Variants in EXOC6 observed in about 807,000 individuals in gnomAD.
EXOC6 encodes exocyst complex component 6, also known as SEC15-like 1.
In EXOC6, 60 loss-of-function variants were observed where a neutral mutation model predicts 112.5. The observed-to-expected ratio is 0.53, with a 90% CI of 0.43 to 0.66. The LOEUF (loss-of-function observed/expected upper bound fraction) is 0.66. Ranked by LOEUF, EXOC6 falls within the 30% of genes least tolerant of loss-of-function variation. The pLI is 0.00. For synonymous variants in EXOC6, 295 were observed against 308.0 expected, an observed-to-expected ratio of 0.96 and a Z score of 0.44; for missense variants, 855 against 957.1, an observed-to-expected ratio of 0.89 and a Z score of 1.41.
intron 9 of EXOC6, among the ~76,000 whole-genome samples, 196 bp from the exon 10 acceptor site, chr10:92,933,948 A>G (rs927139012): frequency 3.3e-5 from 5 of 152,138 alleles, no homozygotes; most frequent in Non-Finnish European, 5.9e-5. Context: ...TAACTTGTTT[A>G]TCTCCTTTCG....
chr10:93,056,790 T>C, intron 20 of EXOC6, 134 bp from the exon 21 acceptor site: 1 of 600,378 alleles, frequency 1.7e-6, no homozygotes, highest in Non-Finnish European at 2.9e-6. Context: ...AATGAAGTTT[T>C]AAAAATGAAT....
intron 19 of EXOC6, among the ~76,000 whole-genome samples, chr10:93,000,251 G>A (rs1026689454): frequency 6.6e-6 from 1 of 152,024 alleles, no homozygotes; most frequent in Non-Finnish European, 1.5e-5. Flanking sequence ...GCTCAAAGAT[G>A]GAAATTACTG....
At chr10:92,911,836 A>G (rs1032482087) in intron 6 of EXOC6, among the ~76,000 whole-genome samples, 1 of 151,730 alleles carries the variant, frequency 6.6e-6, no homozygotes, top group East Asian at 1.9e-4. Flanking sequence ...TCAAGATTTG[A>G]TAAGAAAAGT....
chr10:92,963,512 A>G (rs1380462449), intron 17 of EXOC6, among the ~76,000 whole-genome samples: 2 of 148,764 alleles, frequency 1.3e-5, no homozygotes, highest in Non-Finnish European at 1.5e-5. Flanking sequence ...TGATGACTGT[A>G]TTTCTTTTTA....
chr10:93,035,973 C>G lies in EXOC6; in HGVS notation c.2170-20951C>G, dbSNP rs377476373. Among the ~76,000 whole-genome samples the G allele has an allele frequency of 1.2e-4, 18 of 152,200 alleles. 1 individual carries two copies. The highest frequency in any genetic ancestry group is 7.7e-4 in the East Asian group (4 of 5,198). On this transcript the variant is annotated intron_variant, in intron 20 of 21. Transcript: ENST00000260762. ...CGGTGGCTCACACCTGTAATCCCAG[C>G]ACTTTGGGAGGCCGAGGCGGGCAGA...
upstream of EXOC6, among the ~76,000 whole-genome samples, chr10:92,847,700 C>G (rs1847104370): frequency 6.6e-6 from 1 of 152,072 alleles, no homozygotes; most frequent in Admixed American, 6.5e-5. Flanking sequence ...TTTGTCCAAG[C>G]CTCCCTGCCT....
intron 18 of EXOC6, among the ~76,000 whole-genome samples, chr10:92,989,701 C>T (rs768909454): frequency 5.9e-5 from 9 of 152,168 alleles, no homozygotes; most frequent in Non-Finnish European, 8.8e-5. Flanking sequence ...TAACAGACTT[C>T]CTGCTGATGA....
intron 20 of EXOC6, among the ~76,000 whole-genome samples, chr10:93,016,300 A>AT (rs35002612): frequency 0.36 from 50,390 of 138,858 alleles, 9,357 homozygotes; most frequent in East Asian, 0.78. Context: ...TGCCTGGCTC[A>AT]TTTTTTTTTT....
chr10:92,948,343 C>T lies in EXOC6; in HGVS notation c.1380C>T (p.Ile460=), dbSNP rs908942879. The change falls in exon 14 of 22, where the codon ATC becomes ATT. Residue 460 remains isoleucine (I), a synonymous_variant. Coordinates refer to ENST00000260762, the MANE Select transcript of EXOC6 (RefSeq NM_019053.6). ...ATGAAGAAGAATATAAAATTGTCATCAGCAAATTTCCCTTTCAAGATCCAG... is the reference window on the plus strand; with the variant it reads ...ATGAAGAAGAATATAAAATTGTCATTAGCAAATTTCCCTTTCAAGATCCAG... The part of the protein sequence containing the change: ...VVNEEEYKIV[I]SKFPFQDPDL... 2 of 1,607,072 alleles carry T rather than the reference C, an allele frequency of 1.2e-6. No individual in the cohort carries two copies. Among genetic ancestry groups the T allele is most frequent in the Non-Finnish European group, 1.7e-6 (2 of 1,176,898 alleles).
intron 15 of EXOC6, 99 bp from the exon 16 acceptor site, chr10:92,954,531 G>A: frequency 3.7e-6 from 2 of 541,964 alleles, no homozygotes; most frequent in Non-Finnish European, 6.3e-6. Context: ...AAATAATGAT[G>A]GGGAAAATTA....
chr10:93,056,968 TG>T lies in EXOC6; in HGVS notation c.2215del (p.Asp739IlefsTer12). On this transcript the variant is annotated frameshift_variant, in exon 21 of 22. Coordinates refer to ENST00000260762, the MANE Select transcript of EXOC6 (RefSeq NM_019053.6). LOFTEE classifies it high-confidence loss of function. ...MVWDWSTYLADYGQPASKYLR... is the reference protein window; with the variant it reads ...MVWDWSTYLAXYGQPASKYLR... ...TTTGGGATTGGTCTACTTACCTAGC[TG>T]ATTATGGGCAGCCAGCTTCTAAGTA... The T allele has an allele frequency of 6.2e-7, 1 of 1,600,488 alleles. No homozygotes were observed.
At chr10:92,950,614 A>T (rs1853351690) in intron 14 of EXOC6, among the ~76,000 whole-genome samples, 1 of 151,910 alleles carries the variant, frequency 6.6e-6, no homozygotes, top group Admixed American at 6.7e-5. Flanking sequence ...CCATGCAGAA[A>T]GGCTGCATAA....
intron 8 of EXOC6, among the ~76,000 whole-genome samples, chr10:92,923,902 G>A (rs1422224258): frequency 6.6e-6 from 1 of 152,126 alleles, no homozygotes; most frequent in Non-Finnish European, 1.5e-5. Context: ...TTGTCTTGAG[G>A]TGTAAAAGCT....
rs1306373269 is a variant in EXOC6 at position 92,870,084 on chromosome 10, T to C, written c.101+21450T>C. ...CTCCTGCCTTGGCCTCCTGAGTAGCTGGGATTAAAGGTGCCCACCACCACG... is the reference window on the plus strand; with the variant it reads ...CTCCTGCCTTGGCCTCCTGAGTAGCCGGGATTAAAGGTGCCCACCACCACG... On this transcript the variant is annotated intron_variant, in intron 1 of 21. Coordinates refer to ENST00000260762, the MANE Select transcript of EXOC6 (RefSeq NM_019053.6). 2.0e-5 allele frequency among the ~76,000 whole-genome samples: 3 copies of C among 151,762 alleles called. No homozygotes were observed. The South Asian group carries it at 6.3e-4, about 32-fold the overall frequency.
chr10:93,056,639 A>G (rs1402202573), intron 20 of EXOC6, among the ~76,000 whole-genome samples: 1 of 37,120 alleles, frequency 2.7e-5, no homozygotes, highest in Non-Finnish European at 7.3e-5. Context: ...CATCAGTACA[A>G]GGGTTAATAT....
At chr10:92,903,682 A>G (rs1217548158) in intron 5 of EXOC6, among the ~76,000 whole-genome samples, 4 of 152,016 alleles carry the variant, frequency 2.6e-5, no homozygotes, top group Admixed American at 2.0e-4. Flanking sequence ...TTACAGAAAT[A>G]TTAAACACAA....
chr10:92,991,451 A>C (rs964137867), intron 18 of EXOC6, among the ~76,000 whole-genome samples: 1 of 151,748 alleles, frequency 6.6e-6, no homozygotes, highest in African/African-American at 2.4e-5. Flanking sequence ...AAAAAAAAAA[A>C]AACAAAAGTT....
chr10:92,953,397 G>A (rs1186480300), intron 15 of EXOC6, among the ~76,000 whole-genome samples: 1 of 152,090 alleles, frequency 6.6e-6, no homozygotes, highest in African/African-American at 2.4e-5. Flanking sequence ...TTTAAAAGTA[G>A]TATTTTAATA....
chr10:92,934,982 A>G (rs1852266822), intron 11 of EXOC6, among the ~76,000 whole-genome samples: 1 of 152,080 alleles, frequency 6.6e-6, no homozygotes, highest in Non-Finnish European at 1.5e-5. Flanking sequence ...TTATAAAGAC[A>G]ATACTTAGTC....
Sources: gnomAD v4.1 joint callset for allele counts (sites outside exome capture counted in the v4.1 genomes callset) on GRCh38, gnomAD v4.1.1 for gene constraint, MANE v1.5 for transcripts, NCBI Gene and HGNC (gene_info 2026-07-23, HGNC 2026-07-21) for gene names.